The following KCNN2 variants were observed in gnomAD, a reference collection of about 807,000 sequenced individuals.
KCNN2 encodes potassium calcium-activated channel subfamily N member 2.
KCNN2 carries 24 observed loss-of-function variants against 55.5 expected under a neutral mutation model. The ratio of observed to expected loss-of-function variants is 0.43; its 90% confidence interval spans 0.31 to 0.61. The LOEUF (loss-of-function observed/expected upper bound fraction) is 0.61. KCNN2 is among the 20% of genes least tolerant of loss of function. The pLI is 0.08. For missense variants in KCNN2, 754 were observed against 853.6 expected (o/e 0.88, Z 1.45); for synonymous variants, 431 against 336.1 (o/e 1.28, Z -3.09).
intron 3 of KCNN2, among the ~76,000 whole-genome samples, chr5:114,454,208 T>C (rs957537955): frequency 6.6e-6 from 1 of 152,178 alleles, no homozygotes; most frequent in Non-Finnish European, 1.5e-5. Flanking sequence ...TGTAGTATAA[T>C]TTACATAGTT....
intron 2 of KCNN2, among the ~76,000 whole-genome samples, chr5:114,350,798 C>G (rs1757192363): frequency 6.6e-6 from 1 of 151,858 alleles, no homozygotes; most frequent in Non-Finnish European, 1.5e-5. Flanking sequence ...ACTCTCAATT[C>G]TGTTTCATTG....
intron 1 of KCNN2, among the ~76,000 whole-genome samples, chr5:114,179,303 G>A (rs1753193569): frequency 1.3e-5 from 2 of 152,152 alleles, no homozygotes; most frequent in South Asian, 4.1e-4. Context: ...TCACACCTCT[G>A]TTCATGCTGG....
At chr5:114,143,664 A>G (rs555549059) in intron 1 of KCNN2, among the ~76,000 whole-genome samples, 2 of 152,324 alleles carry the variant, frequency 1.3e-5, no homozygotes, top group South Asian at 2.1e-4. Context: ...ACGTCCATTC[A>G]TAGGCTTTTT....
chr5:114,399,783 C>T (rs1758728873), intron 2 of KCNN2, among the ~76,000 whole-genome samples: 1 of 151,994 alleles, frequency 6.6e-6, no homozygotes, highest in South Asian at 2.1e-4. Flanking sequence ...CATTTTGGAA[C>T]TTGTTATTGG....
chr5:114,085,742 T>A (rs1306591979), intron 1 of KCNN2, among the ~76,000 whole-genome samples: 1 of 152,076 alleles, frequency 6.6e-6, no homozygotes, highest in Non-Finnish European at 1.5e-5. Flanking sequence ...ATTAAGTCAA[T>A]TGGGTAATTT....
chr5:114,215,300 A>C (rs1329205294), intron 1 of KCNN2, among the ~76,000 whole-genome samples: 1 of 152,164 alleles, frequency 6.6e-6, no homozygotes, highest in African/African-American at 2.4e-5. Flanking sequence ...GCCACAGTGA[A>C]TAATAAGAAA....
At chr5:114,381,139 A>G (rs1231383497) in intron 2 of KCNN2, among the ~76,000 whole-genome samples, 2 of 152,244 alleles carry the variant, frequency 1.3e-5, no homozygotes, top group East Asian at 3.8e-4. Context: ...CTAATAAGCT[A>G]ATAATAGTCT....
At chr5:114,487,643 C>CTTATCATTATT (rs1561415915) in intron 6 of KCNN2, among the ~76,000 whole-genome samples, 1 of 152,100 alleles carries the variant, frequency 6.6e-6, no homozygotes. Flanking sequence ...CTTTTACTCT[C>CTTATCATTATT]TTATCATTAT....
At chr5:114,323,550 C>T (rs983919789) in intron 2 of KCNN2, among the ~76,000 whole-genome samples, 2 of 151,126 alleles carry the variant, frequency 1.3e-5, no homozygotes, top group African/African-American at 4.9e-5. Flanking sequence ...TAAAAATTCA[C>T]ATCTGTAAGA....
intron 2 of KCNN2, among the ~76,000 whole-genome samples, chr5:114,366,512 A>G (rs1312422569): frequency 6.6e-6 from 1 of 152,212 alleles, no homozygotes; most frequent in African/African-American, 2.4e-5. Context: ...TAAAAAATAA[A>G]TAAATAAAAT....
chr5:114,076,129 T>C (rs1750680956), intron 1 of KCNN2, among the ~76,000 whole-genome samples: 1 of 152,264 alleles, frequency 6.6e-6, no homozygotes. Context: ...TCAATATTTC[T>C]TGAAGTCCCA....
intron 1 of KCNN2, among the ~76,000 whole-genome samples, chr5:114,107,849 C>G (rs28536754): frequency 0.017 from 2,641 of 151,938 alleles, 89 homozygotes; most frequent in African/African-American, 0.06. Context: ...TCAAATATAC[C>G]ATAATATAAA....
chr5:114,117,013 C>T (rs191692957), intron 1 of KCNN2, among the ~76,000 whole-genome samples: 28 of 152,100 alleles, frequency 1.8e-4, no homozygotes, highest in East Asian at 3.9e-4. Context: ...TAAGAAGGCT[C>T]GGAGGGCTCT....
At chr5:114,064,926 C>G (rs893128656) in intron 1 of KCNN2, among the ~76,000 whole-genome samples, 1 of 152,116 alleles carries the variant, frequency 6.6e-6, no homozygotes, top group Non-Finnish European at 1.5e-5. Flanking sequence ...GATCAGAGCC[C>G]AAGGCACAAT....
At chr5:114,461,897 T>C (rs1761220045) in intron 3 of KCNN2, among the ~76,000 whole-genome samples, 1 of 152,022 alleles carries the variant, frequency 6.6e-6, no homozygotes. Context: ...AAGCAGGAGA[T>C]GATGAGTACC....
chr5:114,491,656 T>A (rs1737178344), intron 6 of KCNN2, among the ~76,000 whole-genome samples: 1 of 152,022 alleles, frequency 6.6e-6, no homozygotes, highest in African/African-American at 2.4e-5. Context: ...CCATCTTAAG[T>A]ATCACTTAAA....
intron 1 of KCNN2, among the ~76,000 whole-genome samples, chr5:114,088,498 T>A (rs914961614): frequency 6.6e-6 from 1 of 152,180 alleles, no homozygotes; most frequent in African/African-American, 2.4e-5. Flanking sequence ...TGCTTTTTTG[T>A]TCCTTTGAAA....
At chr5:114,206,555 C>T (rs758203866) in intron 1 of KCNN2, among the ~76,000 whole-genome samples, 38 of 151,830 alleles carry the variant, frequency 2.5e-4, no homozygotes, top group Non-Finnish European at 4.1e-4. Context: ...CTGTGAATTT[C>T]TCTCAAATAC....
At chr5:114,060,822 G>A (rs533962181) in intron 1 of KCNN2, among the ~76,000 whole-genome samples, 22 of 152,356 alleles carry the variant, frequency 1.4e-4, no homozygotes, top group Admixed American at 1.2e-3. Flanking sequence ...TGGAAATTCA[G>A]CTATTATTAT....
Sources: allele counts gnomAD v4.1 joint callset (sites outside exome capture counted in the v4.1 genomes callset), GRCh38; gene constraint gnomAD v4.1.1; transcripts MANE v1.5; gene names NCBI Gene and HGNC (gene_info 2026-07-23, HGNC 2026-07-21).